AKR1C1: variants seen among roughly 807,000 people sequenced by gnomAD.
The protein encoded by AKR1C1 is aldo-keto reductase family 1 member C1.
A neutral mutation model predicts 40.6 loss-of-function variants in AKR1C1; 32 were observed. That is an observed-to-expected ratio of 0.79 (90% CI 0.60 to 1.06). The LOEUF is 1.06. Ranked by LOEUF, AKR1C1 falls within the 50% of genes least tolerant of loss-of-function variation. AKR1C1 has a pLI of 0.00. For missense variants in AKR1C1, 320 were observed against 363.5 expected (o/e 0.88, Z 0.97); for synonymous variants, 105 against 134.2 (o/e 0.78, Z 1.50).
chr10:4,972,741 A>C lies in AKR1C1; in HGVS notation c.838A>C (p.Asn280His). 6.2e-7 allele frequency: 1 copy of C among 1,612,154 alleles called. No individual in the cohort carries two copies. The highest frequency in any genetic ancestry group is 8.5e-7 in the Non-Finnish European group (1 of 1,179,912). The change falls in exon 7 of 9, where the codon AAC becomes CAC. Residue 280 changes from asparagine (N) to histidine (H), a missense_variant. Physicochemically the swap from Asn to His is moderately conservative, Grantham distance 68. This residue lies in a region of AKR1C1 where 77 missense variants were observed against 125.3 expected (regional missense o/e 0.61). Coordinates refer to ENST00000380872, the MANE Select transcript of AKR1C1 (RefSeq NM_001353.6). ...CTACAATGAGCAGCGCATCAGACAG[A>C]ACGTGCAGGTGAGGAGCGGGGCTGT... ...KSYNEQRIRQ[N>H]VQVFEFQLTS...
intron 5 of AKR1C1, among the ~76,000 whole-genome samples, chr10:4,969,494 G>C (rs755166881): frequency 7.4e-6 from 1 of 135,880 alleles, no homozygotes; most frequent in Non-Finnish European, 1.6e-5. Context: ...GGTAGAAAGA[G>C]AAAATAACCT....
At position 4,978,054 on chromosome 10, in the gene AKR1C1, G is replaced by A. The variant is rs576842270; in HGVS notation, c.*312G>A. On this transcript the variant is annotated 3_prime_UTR_variant, in exon 9 of 9. Transcript: ENST00000380872. ...ATTTGCCTATACGTTTAGGGCCGGGGTTGGAAGATGTTAACAACCATTTAA... is the reference window on the plus strand; with the variant it reads ...ATTTGCCTATACGTTTAGGGCCGGGATTGGAAGATGTTAACAACCATTTAA... The A allele has an allele frequency of 1.6e-4, 54 of 344,800 alleles. No homozygotes were observed. The highest frequency in any genetic ancestry group is 8.1e-4 in the Middle Eastern group (1 of 1,236). 21.4% of individuals were successfully genotyped at this position (344,800 alleles called of 1,614,324 possible).
At chr10:4,968,987 C>G (rs779010403) in intron 5 of AKR1C1, 43 bp downstream of exon 5, 42 of 1,613,644 alleles carry the variant, frequency 2.6e-5, no homozygotes, top group Non-Finnish European at 3.4e-5. Flanking sequence ...CTTCATGCCC[C>G]TCTTTCTGTC....
intron 8 of AKR1C1, among the ~76,000 whole-genome samples, 160 bp downstream of exon 8, chr10:4,976,093 C>T (rs782453191): frequency 7.3e-6 from 1 of 137,672 alleles, no homozygotes. Context: ...CTCCAGAGCT[C>T]TGTTCTCTGG....
chr10:4,972,436 C>G (rs1326574595), intron 6 of AKR1C1, 126 bp downstream of exon 6: 2 of 1,382,004 alleles, frequency 1.4e-6, no homozygotes, highest in Admixed American at 2.3e-5. Context: ...GCATTTCTGA[C>G]GAGATCCCAG....
At chr10:4,965,702 T>C (rs1836319455) in intron 1 of AKR1C1, 1 of 502,942 alleles carries the variant, frequency 2.0e-6, no homozygotes, top group African/African-American at 2.0e-5. Flanking sequence ...GGTCAAGCAG[T>C]GATTTTTCTG....
At chr10:4,963,623 A>G (rs561945380) in intron 1 of AKR1C1, 95 bp downstream of exon 1, 3 of 1,077,160 alleles carry the variant, frequency 2.8e-6, no homozygotes, top group Non-Finnish European at 4.2e-6. Context: ...GTTACTCTGC[A>G]TGACTCCCCT....
Position 4,981,311 on chromosome 10 carries a change from G to A in AKR1C1, c.*3569G>A, listed in dbSNP as rs1836611015. 1 of 152,142 alleles carries A rather than the reference G, an allele frequency of 6.6e-6. No individual in the cohort carries two copies. The highest frequency in any genetic ancestry group is 2.1e-4 in the South Asian group (1 of 4,826). 9.4% of individuals were successfully genotyped at this position (152,142 alleles called of 1,614,324 possible). On this transcript the variant is annotated 3_prime_UTR_variant, in exon 9 of 9. Coordinates refer to ENST00000380872, the MANE Select transcript of AKR1C1 (RefSeq NM_001353.6). ...AACATCATATGTTGTAATATAGTTA[G>A]CCAGGGAGGGGAAAGATCTCTACAA...
chr10:4,977,714 C>A lies in AKR1C1; in HGVS notation c.944C>A (p.Pro315His). Residue 315 changes from proline (P) to histidine (H), a missense_variant, in exon 9 of 9, where the codon CCT becomes CAT. Physicochemically the swap from Pro to His is moderately conservative, Grantham distance 77 (BLOSUM62 -2). Transcript: ENST00000380872. Reference protein sequence around the residue: ...YLTLDIFAGPPNYPFSDEY With the variant: ...YLTLDIFAGPHNYPFSDEY Reference sequence around the variant, plus strand: ...TCTCTTTCCAGTTTTGCTGGCCCCCCTAATTATCCATTTTCTGATGAATAT... The same window carrying A: ...TCTCTTTCCAGTTTTGCTGGCCCCCATAATTATCCATTTTCTGATGAATAT... The A allele has an allele frequency of 6.2e-7, 1 of 1,610,020 alleles. No individual in the cohort carries two copies. The highest frequency in any genetic ancestry group is 8.5e-7 in the Non-Finnish European group (1 of 1,179,000).
chr10:4,969,724 C>G, intron 5 of AKR1C1: 1 of 1,611,984 alleles, frequency 6.2e-7, no homozygotes, highest in Non-Finnish European at 8.5e-7. Context: ...TGATTCCAGG[C>G]CTCCTTGATC....
intron 1 of AKR1C1, 75 bp from the exon 2 acceptor site, chr10:4,965,839 G>C (rs1482758081): frequency 6.6e-6 from 10 of 1,521,254 alleles, no homozygotes; most frequent in Non-Finnish European, 7.1e-6. Context: ...TGATTTTTGT[G>C]AACGTCGCTA....
At chr10:4,969,194 A>G (rs1188659850) in intron 5 of AKR1C1, among the ~76,000 whole-genome samples, 2 of 152,226 alleles carry the variant, frequency 1.3e-5, no homozygotes, top group African/African-American at 2.4e-5. Context: ...CAAGGAGGCC[A>G]AGGATTGTCA....
In AKR1C1 at chr10:4,979,360, T is replaced by C. The variant is rs188513228; in HGVS notation, c.*1618T>C. On this transcript the variant is annotated 3_prime_UTR_variant, in exon 9 of 9. Transcript: ENST00000380872. ...TTCCTCCAAATTCTGCAATAGAAGA[T>C]CACAATGTGAACTCTGCATCTCCAT... is the stretch of plus-strand genomic sequence containing the variant. The C allele has an allele frequency of 6.6e-6, 1 of 152,288 alleles. No individual in the cohort carries two copies. The highest frequency in any genetic ancestry group is 1.9e-4 in the East Asian group (1 of 5,186). The allele number at this position is 152,288 out of a possible 1,614,324, so 9.4% of individuals were successfully genotyped here.
intron 8 of AKR1C1, among the ~76,000 whole-genome samples, chr10:4,976,227 G>A (rs1378482033): frequency 6.6e-6 from 1 of 152,236 alleles, no homozygotes; most frequent in East Asian, 1.9e-4. Flanking sequence ...CCTGCTGTTT[G>A]TGCTACTGTC....
chr10:4,976,523 C>T (rs1448280085), intron 8 of AKR1C1, among the ~76,000 whole-genome samples: 2 of 152,128 alleles, frequency 1.3e-5, no homozygotes, highest in Non-Finnish European at 2.9e-5. Flanking sequence ...CTTAGTGAAG[C>T]GAATAGGAGC....
intron 4 of AKR1C1, 116 bp from the exon 5 acceptor site, chr10:4,968,706 C>T (rs1836368499): frequency 6.6e-7 from 1 of 1,505,032 alleles, no homozygotes; most frequent in African/African-American, 1.4e-5. Context: ...TTTATTTTTT[C>T]CCTTTTAAGA....
At chr10:4,972,049 A>G in intron 5 of AKR1C1, 152 bp from the exon 6 acceptor site, 1 of 1,127,208 alleles carries the variant, frequency 8.9e-7, no homozygotes, top group Non-Finnish European at 1.2e-6. Flanking sequence ...GAGGGGCATA[A>G]AATTTATTTT....
rs1484530194 is a variant in AKR1C1, at chr10:4,982,587, G to C, written c.*4845G>C. 9.3e-6 allele frequency: 2 copies of C among 215,876 alleles called. No individual in the cohort carries two copies. Among genetic ancestry groups the C allele is most frequent in the African/African-American group, 2.3e-5 (1 of 42,614 alleles). The allele number at this position is 215,876 out of a possible 1,614,324, so 13.4% of individuals were successfully genotyped here. ...TAGAGTGCAGACCCACCTAACCCTG[G>C]ACCCACTGGTGGTACCCATCCACCC... On this transcript the variant is annotated 3_prime_UTR_variant, in exon 9 of 9. Transcript: ENST00000380872.
chr10:4,970,065 T>G, intron 5 of AKR1C1: 1 of 309,484 alleles, frequency 3.2e-6, no homozygotes, highest in Non-Finnish European at 6.2e-6. Flanking sequence ...TTACTAACAT[T>G]TTGCAATGTT....
Sources: allele counts gnomAD v4.1 joint callset (sites outside exome capture counted in the v4.1 genomes callset), GRCh38; gene constraint gnomAD v4.1.1; regional missense constraint gnomAD v4.1.1; transcripts MANE v1.5; gene names NCBI Gene and HGNC (gene_info 2026-07-23, HGNC 2026-07-21).